DYNC1I1: variants seen among roughly 807,000 people sequenced by gnomAD.
DYNC1I1 encodes cytoplasmic dynein 1 intermediate chain 1.
DYNC1I1 carries 43 observed loss-of-function variants against 86.6 expected under a neutral mutation model. That is an observed-to-expected ratio of 0.50 (90% CI 0.39 to 0.64). The LOEUF (loss-of-function observed/expected upper bound fraction) is 0.64, where lower values mean the gene tolerates loss of function less well. Among genes scored for constraint, DYNC1I1 ranks in the 30% least tolerant of loss-of-function variants. DYNC1I1 has a pLI of 0.00. For missense variants in DYNC1I1, 604 were observed against 788.8 expected, an observed-to-expected ratio of 0.77 and a Z score of 2.81; for synonymous variants, 262 against 283.7, an observed-to-expected ratio of 0.92 and a Z score of 0.77.
At chr7:96,054,179 T>C (rs1012182668) in intron 14 of DYNC1I1, among the ~76,000 whole-genome samples, 4 of 152,096 alleles carry the variant, frequency 2.6e-5, no homozygotes, top group African/African-American at 9.7e-5. Flanking sequence ...ATGTTCCCCT[T>C]TCTGTGTCCA....
chr7:96,083,162 C>T (rs1790573402), intron 16 of DYNC1I1, among the ~76,000 whole-genome samples: 1 of 152,044 alleles, frequency 6.6e-6, no homozygotes, highest in African/African-American at 2.4e-5. Context: ...CTCTGAATGA[C>T]CGAAAATCAG....
chr7:95,814,522 G>T (rs1794904309), intron 4 of DYNC1I1, among the ~76,000 whole-genome samples: 1 of 152,038 alleles, frequency 6.6e-6, no homozygotes, highest in African/African-American at 2.4e-5. Flanking sequence ...ATAAAATTTT[G>T]CATTTTTCTC....
intron 5 of DYNC1I1, among the ~76,000 whole-genome samples, chr7:95,847,137 A>G (rs939576523): frequency 7.2e-5 from 11 of 152,214 alleles, no homozygotes; most frequent in Non-Finnish European, 1.2e-4. Flanking sequence ...AACCTTTGAA[A>G]TAATCTCTAA....
At chr7:95,870,397 TC>T (rs2116168724) in intron 6 of DYNC1I1, among the ~76,000 whole-genome samples, 1 of 152,322 alleles carries the variant, frequency 6.6e-6, no homozygotes, top group Non-Finnish European at 1.5e-5. Context: ...ACCCACCTGT[TC>T]CTAGAAATAA....
intron 6 of DYNC1I1, among the ~76,000 whole-genome samples, chr7:95,930,602 G>T (rs1791866638): frequency 6.6e-6 from 1 of 152,072 alleles, no homozygotes; most frequent in South Asian, 2.1e-4. Context: ...TCACTATTTG[G>T]TCTCCACCTG....
intron 6 of DYNC1I1, among the ~76,000 whole-genome samples, chr7:95,929,711 T>G (rs2888984): frequency 0.03 from 4,517 of 152,278 alleles, 113 homozygotes; most frequent in African/African-American, 0.065. Context: ...AACCACTACA[T>G]CATAGATTAG....
chr7:96,024,705 A>T (rs1794635238), intron 10 of DYNC1I1, among the ~76,000 whole-genome samples: 1 of 152,198 alleles, frequency 6.6e-6, no homozygotes, highest in Admixed American at 6.5e-5. Flanking sequence ...TTTAGATTTT[A>T]TCTCCAGAAA....
chr7:95,922,468 T>C (rs1319678123), intron 6 of DYNC1I1, among the ~76,000 whole-genome samples: 1 of 152,164 alleles, frequency 6.6e-6, no homozygotes, highest in Non-Finnish European at 1.5e-5. Flanking sequence ...CTGTACTCCA[T>C]GTGTGGCATT....
Position 96,008,962 on chromosome 7 carries a change from A to G in DYNC1I1, c.969+12889A>G, listed in dbSNP as rs370073144. ...ATATATTTGAAAGTTAAATAGCAAT[A>G]TATTATGCTATTAAATATAAGATGG... On this transcript the variant is annotated intron_variant, in intron 10 of 16. Coordinates refer to ENST00000447467, the MANE Select transcript of DYNC1I1 (RefSeq NM_001135556.2). Among the ~76,000 whole-genome samples, 11 of 152,336 alleles carry G rather than the reference A, an allele frequency of 7.2e-5. No homozygotes were observed. The East Asian group carries it at 1.9e-3, about 27-fold the overall frequency.
chr7:95,996,417 A>G (rs2115759954), intron 10 of DYNC1I1, among the ~76,000 whole-genome samples: 1 of 152,330 alleles, frequency 6.6e-6, no homozygotes, highest in Middle Eastern at 3.4e-3. Flanking sequence ...GGACATCCTC[A>G]GAGCACTACC....
chr7:95,985,468 A>G (rs1479155494), intron 8 of DYNC1I1, among the ~76,000 whole-genome samples: 2 of 152,172 alleles, frequency 1.3e-5, no homozygotes, highest in Non-Finnish European at 2.9e-5. Context: ...TAGGAAACAT[A>G]TTAATATATG....
intron 15 of DYNC1I1, 87 bp downstream of exon 15, chr7:96,076,284 G>C (rs1406979262): frequency 2.6e-6 from 4 of 1,531,626 alleles, no homozygotes; most frequent in Non-Finnish European, 3.5e-6. Context: ...TCTCCAAAAC[G>C]GCCTTTTTTG....
chr7:95,875,442 T>C (rs555733416), intron 6 of DYNC1I1, among the ~76,000 whole-genome samples: 5 of 152,184 alleles, frequency 3.3e-5, no homozygotes, highest in African/African-American at 1.2e-4. Context: ...ATACCACTAG[T>C]TGACATGGAG....
Position 95,927,731 on chromosome 7 carries a change from G to A in DYNC1I1, c.491-49781G>A, listed in dbSNP as rs75066345. On this transcript the variant is annotated intron_variant, in intron 6 of 16. Transcript: ENST00000447467. ...CTATTTTTATTTTTGCAATCTAACCGTTAGTTTGAAATCATTTCCCAGTAA... is the reference window on the plus strand; with the variant it reads ...CTATTTTTATTTTTGCAATCTAACCATTAGTTTGAAATCATTTCCCAGTAA... Among the ~76,000 whole-genome samples, 988 of 152,194 alleles carry A rather than the reference G, an allele frequency of 6.5e-3. 9 individuals are homozygous for A. The highest frequency in any genetic ancestry group is 0.023 in the African/African-American group (935 of 41,502).
chr7:95,841,436 T>TGC (rs776521166), intron 5 of DYNC1I1, among the ~76,000 whole-genome samples: 16,279 of 152,056 alleles, frequency 0.11, 989 homozygotes, highest in African/African-American at 0.16. Context: ...TGCATTTTGG[T>TGC]AAAATAAGCT....
At chr7:95,949,231 A>G (rs1240018027) in intron 6 of DYNC1I1, among the ~76,000 whole-genome samples, 2 of 152,234 alleles carry the variant, frequency 1.3e-5, no homozygotes, top group African/African-American at 4.8e-5. Flanking sequence ...CAAGAGTTGT[A>G]TGTATGCTTA....
At chr7:95,957,883 C>T (rs1405061578) in intron 6 of DYNC1I1, among the ~76,000 whole-genome samples, 7 of 152,140 alleles carry the variant, frequency 4.6e-5, no homozygotes, top group Non-Finnish European at 8.8e-5. Context: ...CCACCACTCA[C>T]GAGAGCCTTC....
chr7:96,025,017 G>A (rs1367118647), intron 10 of DYNC1I1, among the ~76,000 whole-genome samples: 1 of 151,934 alleles, frequency 6.6e-6, no homozygotes, highest in Admixed American at 6.6e-5. Context: ...CCAAACTGTA[G>A]TTAAGACTAT....
At chr7:95,843,185 C>G (rs1425631494) in intron 5 of DYNC1I1, among the ~76,000 whole-genome samples, 4 of 152,168 alleles carry the variant, frequency 2.6e-5, no homozygotes, top group African/African-American at 9.7e-5. Context: ...GTAATTGTTT[C>G]CAGATCATTC....
Sources: gnomAD v4.1 joint callset for allele counts (sites outside exome capture counted in the v4.1 genomes callset) on GRCh38, gnomAD v4.1.1 for gene constraint, MANE v1.5 for transcripts, NCBI Gene and HGNC (gene_info 2026-07-23, HGNC 2026-07-21) for gene names.